Variants in PARD3B observed in about 807,000 individuals in gnomAD.
The protein encoded by PARD3B is partitioning defective 3 homolog B.
PARD3B carries 103 observed loss-of-function variants against 130.2 expected under a neutral mutation model. The observed-to-expected ratio is 0.79, with a 90% CI of 0.67 to 0.93. PARD3B has a LOEUF of 0.93. Among genes scored for constraint, PARD3B ranks in the 40% least tolerant of loss-of-function variants. PARD3B has a pLI of 0.00. For missense variants in PARD3B, 1,609 were observed against 1,499.2 expected, an observed-to-expected ratio of 1.07 and a Z score of -1.21; for synonymous variants, 583 against 553.2, an observed-to-expected ratio of 1.05 and a Z score of -0.76.
chr2:205,605,786 G>C (rs59142468), intron 22 of PARD3B, among the ~76,000 whole-genome samples: 1 of 152,348 alleles, frequency 6.6e-6, no homozygotes, highest in East Asian at 1.9e-4. Flanking sequence ...AAGGGAGTGT[G>C]CTGCACTGGG....
At chr2:205,353,360 A>G (rs1019232024) in intron 18 of PARD3B, among the ~76,000 whole-genome samples, 2 of 152,210 alleles carry the variant, frequency 1.3e-5, no homozygotes, top group African/African-American at 4.8e-5. Context: ...AAATTGTCAC[A>G]GAATATCAAA....
chr2:205,178,043 C>T (rs937985758), intron 13 of PARD3B, among the ~76,000 whole-genome samples: 7 of 148,318 alleles, frequency 4.7e-5, no homozygotes, highest in Non-Finnish European at 8.9e-5. Context: ...CAGTGGCTCA[C>T]GCCTGTAATC....
At position 204,998,189 on chromosome 2, in the gene PARD3B, G is replaced by T. The variant is rs115053079; in HGVS notation, c.394+32866G>T. Among the ~76,000 whole-genome samples the T allele has an allele frequency of 1.2e-3, 184 of 148,766 alleles. 4 individuals are homozygous for T. In the South Asian group the frequency reaches 0.028, roughly 23 times the overall value. On this transcript the variant is annotated intron_variant, in intron 3 of 22. Coordinates refer to ENST00000406610, the MANE Select transcript of PARD3B (RefSeq NM_001302769.2). ...CTGTCATGGGGTGGGATCTAGGAGA[G>T]GGATAGCATTAGGGGAAATACCTAA...
At chr2:205,173,724 G>A (rs2035306022) in intron 12 of PARD3B, among the ~76,000 whole-genome samples, 1 of 152,130 alleles carries the variant, frequency 6.6e-6, no homozygotes, top group Admixed American at 6.6e-5. Flanking sequence ...CAACATTTGT[G>A]TCTGCTTAAG....
At chr2:205,136,134 A>G (rs759712375) in intron 10 of PARD3B, among the ~76,000 whole-genome samples, 40 of 152,118 alleles carry the variant, frequency 2.6e-4, no homozygotes, top group Non-Finnish European at 4.0e-4. Context: ...TGCATTTCTT[A>G]GAGGTTTAGC....
Position 204,918,658 on chromosome 2 carries a change from T to C in PARD3B, c.223-46494T>C, listed in dbSNP as rs541973126. ...AAAAAAAAAAAAAAAGAAAATGCTT[T>C]TTTTACTTGCTTTTTGCTGAGGTGT... On this transcript the variant is annotated intron_variant, in intron 2 of 22. Coordinates refer to ENST00000406610, the MANE Select transcript of PARD3B (RefSeq NM_001302769.2). Among the ~76,000 whole-genome samples the C allele has an allele frequency of 5.3e-3, 808 of 152,198 alleles. 9 individuals are homozygous for C. Among genetic ancestry groups the C allele is most frequent in the African/African-American group, 0.018 (730 of 41,518 alleles).
chr2:205,527,463 A>T (rs900915341), intron 21 of PARD3B, among the ~76,000 whole-genome samples: 1 of 152,204 alleles, frequency 6.6e-6, no homozygotes, highest in African/African-American at 2.4e-5. Flanking sequence ...TTCGAGGTTG[A>T]TGATAAATCA....
At chr2:205,340,120 T>C (rs2043466655) in intron 18 of PARD3B, among the ~76,000 whole-genome samples, 1 of 152,162 alleles carries the variant, frequency 6.6e-6, no homozygotes, top group African/African-American at 2.4e-5. Context: ...TCTAAGCTCC[T>C]TGTCACAAGG....
At chr2:205,270,046 C>T (rs1277980239) in intron 16 of PARD3B, among the ~76,000 whole-genome samples, 1 of 151,954 alleles carries the variant, frequency 6.6e-6, no homozygotes, top group African/African-American at 2.4e-5. Flanking sequence ...GGATGGAGAC[C>T]CCCATTCGCC....
chr2:205,422,023 T>G (rs773829923), intron 19 of PARD3B, among the ~76,000 whole-genome samples: 27 of 152,182 alleles, frequency 1.8e-4, no homozygotes, highest in Admixed American at 1.2e-3. Flanking sequence ...GCTGCTTCCA[T>G]GAAGATTCCA....
intron 2 of PARD3B, among the ~76,000 whole-genome samples, chr2:204,692,652 A>G (rs1271813578): frequency 1.3e-5 from 2 of 152,066 alleles, no homozygotes; most frequent in Non-Finnish European, 2.9e-5. Flanking sequence ...TCCTTCAAAA[A>G]GTCTTACTTT....
chr2:205,061,374 T>G (rs961287953), intron 4 of PARD3B, among the ~76,000 whole-genome samples: 11 of 152,176 alleles, frequency 7.2e-5, no homozygotes, highest in Admixed American at 3.9e-4. Flanking sequence ...GCTTGACCAC[T>G]GACTGATTTG....
chr2:204,976,778 C>T (rs539344964), intron 3 of PARD3B, among the ~76,000 whole-genome samples: 15 of 151,680 alleles, frequency 9.9e-5, no homozygotes, highest in African/African-American at 2.4e-4. Flanking sequence ...AGCTAATTTT[C>T]GTATTTTTTT....
intron 2 of PARD3B, among the ~76,000 whole-genome samples, chr2:204,693,061 G>A (rs916923623): frequency 2.6e-5 from 4 of 151,824 alleles, no homozygotes; most frequent in Non-Finnish European, 4.4e-5. Context: ...TGTTTTTGTT[G>A]GTTAGTTTCA....
intron 3 of PARD3B, among the ~76,000 whole-genome samples, chr2:205,026,280 T>G (rs1266842976): frequency 9.9e-5 from 15 of 151,994 alleles, no homozygotes; most frequent in Non-Finnish European, 1.6e-4. Flanking sequence ...TTTGGAAAGA[T>G]AGAGAGCCAA....
chr2:204,703,030 G>T (rs2037968540), intron 2 of PARD3B, among the ~76,000 whole-genome samples: 1 of 151,988 alleles, frequency 6.6e-6, no homozygotes, highest in Non-Finnish European at 1.5e-5. Context: ...TTAATTTTAG[G>T]CATAGTGCTA....
chr2:205,536,696 C>T (rs1194545141), intron 21 of PARD3B, among the ~76,000 whole-genome samples: 1 of 152,182 alleles, frequency 6.6e-6, no homozygotes, highest in Admixed American at 6.5e-5. Context: ...GAATGTAACT[C>T]TCTCTACTTC....
At chr2:205,576,778 G>T (rs2053774817) in intron 22 of PARD3B, among the ~76,000 whole-genome samples, 2 of 152,018 alleles carry the variant, frequency 1.3e-5, no homozygotes, top group African/African-American at 2.4e-5. Flanking sequence ...TACTCTTCTT[G>T]GTCTTTTCCC....
chr2:205,615,952 A>G lies in PARD3B; in HGVS notation c.*139A>G, dbSNP rs887692799. The stretch of plus-strand genomic sequence containing the variant: ...CTTTTTCTCACTGACATTGTAACGC[A>G]TGACTGCTAATCAGAGAGAAAAAGA... On this transcript the variant is annotated 3_prime_UTR_variant, in exon 23 of 23. Transcript: ENST00000406610. 5 of 742,636 alleles carry G rather than the reference A, an allele frequency of 6.7e-6. No homozygotes were observed. Among genetic ancestry groups the G allele is most frequent in the Non-Finnish European group, 8.9e-6 (4 of 450,440 alleles). 46.0% of individuals were successfully genotyped at this position (742,636 alleles called of 1,614,324 possible). A position where few individuals can be genotyped will look rare whatever the true frequency, so the allele number is the denominator to read the frequency against.
Sources: gnomAD v4.1 joint callset for allele counts (sites outside exome capture counted in the v4.1 genomes callset) on GRCh38, gnomAD v4.1.1 for gene constraint, MANE v1.5 for transcripts, NCBI Gene and HGNC (gene_info 2026-07-23, HGNC 2026-07-21) for gene names.